TIAL1: variants seen among roughly 807,000 people sequenced by gnomAD.
TIAL1 encodes the protein nucleolysin TIAR.
TIAL1 carries 7 observed loss-of-function variants against 59.7 expected under a neutral mutation model. That is an observed-to-expected ratio of 0.12 (90% CI 0.07 to 0.22). The LOEUF is 0.22. Among genes scored for constraint, TIAL1 ranks in the 10% least tolerant of loss-of-function variants. The pLI is 1.00. For synonymous variants in TIAL1, 149 were observed against 146.3 expected, an observed-to-expected ratio of 1.02 and a Z score of -0.13; for missense variants, 225 against 462.5, an observed-to-expected ratio of 0.49 and a Z score of 4.71.
intron 1 of TIAL1, among the ~76,000 whole-genome samples, chr10:119,590,762 G>GAGAAAGAGAGAAAGAAAGAAAGAAAGAA (rs1446023630): frequency 8.0e-6 from 1 of 125,292 alleles, no homozygotes; most frequent in Non-Finnish European, 1.7e-5. Context: ...GAGAGAAAGA[G>GAGAAAGAGAGAAAGAAAGAAAGAAAGAA]AGAAAGAAAG....
intron 1 of TIAL1, among the ~76,000 whole-genome samples, chr10:119,594,137 G>T (rs1014832254): frequency 1.3e-5 from 2 of 150,798 alleles, no homozygotes; most frequent in Non-Finnish European, 2.9e-5. Context: ...TAGTAAACAC[G>T]TACTGACATA....
intron 5 of TIAL1, 85 bp downstream of exon 5, chr10:119,581,837 G>A (rs1319846874): frequency 9.2e-7 from 1 of 1,087,332 alleles, no homozygotes; most frequent in Non-Finnish European, 1.4e-6. Flanking sequence ...ACTAACTAGA[G>A]AAAGAAAATC....
intron 2 of TIAL1, among the ~76,000 whole-genome samples, chr10:119,587,604 G>C (rs563918846): frequency 6.6e-6 from 1 of 151,430 alleles, no homozygotes; most frequent in African/African-American, 2.4e-5. Flanking sequence ...ACTTACTGCA[G>C]TATCTAGTAC....
At position 119,578,733 on chromosome 10, in the gene TIAL1, T is replaced by G; in HGVS notation, c.549A>C (p.Thr183=). The change falls in exon 7 of 12, where the codon ACA becomes ACC. Residue 183 remains threonine (T), a synonymous_variant. Transcript: ENST00000436547. ...ATRKPPAPKS[T]QENNTKQLRF... is the part of the protein sequence containing the mutation. ...ACAGTGGACATATCTTACTTTCTTG[T>G]GTACTTTTAGGTGCAGGTGGTTTAC... 1 of 1,613,710 alleles carries G rather than the reference T, an allele frequency of 6.2e-7. No individual in the cohort carries two copies.
intron 1 of TIAL1, 79 bp from the exon 2 acceptor site, chr10:119,588,327 TTTTC>T (rs72518192): frequency 0.58 from 289,778 of 496,668 alleles, 87,956 homozygotes; most frequent in Non-Finnish European, 0.66. Context: ...ATTCATCACC[TTTTC>T]TTTCTTTCTT....
chr10:119,578,402 TAG>T (rs1374550577), intron 7 of TIAL1, among the ~76,000 whole-genome samples: 1 of 152,074 alleles, frequency 6.6e-6, no homozygotes, highest in East Asian at 1.9e-4. Flanking sequence ...ATGAAATAAT[TAG>T]AGTCTTGCAA....
chr10:119,575,899 T>A, intron 11 of TIAL1, 108 bp from the exon 12 acceptor site: 1 of 1,038,536 alleles, frequency 9.6e-7, no homozygotes, highest in Non-Finnish European at 1.3e-6. Context: ...AAACCAGAAA[T>A]CAACACACCT....
At chr10:119,578,446 C>T (rs1473344280) in intron 7 of TIAL1, among the ~76,000 whole-genome samples, 3 of 151,888 alleles carry the variant, frequency 2.0e-5, no homozygotes, top group South Asian at 2.1e-4. Flanking sequence ...GCCTGGACAA[C>T]GTAACCAGAC....
chr10:119,590,754 GAGAAAGAGAGAAAGAAAGAA>G (rs1564744615), intron 1 of TIAL1, among the ~76,000 whole-genome samples: 1 of 84,184 alleles, frequency 1.2e-5, no homozygotes, highest in Non-Finnish European at 2.4e-5. Flanking sequence ...GAGAGACAGA[GAGAAAGAGAGAAAGAAAGAA>G]AGAAAGAAAG....
intron 5 of TIAL1, 118 bp downstream of exon 5, chr10:119,581,804 A>T: frequency 1.3e-6 from 1 of 785,782 alleles, no homozygotes; most frequent in South Asian, 2.1e-5. Context: ...ATAAATGAAA[A>T]ATAAGAAACA....
intron 5 of TIAL1, 28 bp downstream of exon 5, chr10:119,581,894 T>C (rs755822315): frequency 9.3e-6 from 14 of 1,503,754 alleles, no homozygotes; most frequent in Non-Finnish European, 1.3e-5. Flanking sequence ...CTATCATGAC[T>C]GAGTGTAGTA....
At chr10:119,585,883 C>T (rs1165640401) in intron 2 of TIAL1, among the ~76,000 whole-genome samples, 4 of 152,124 alleles carry the variant, frequency 2.6e-5, no homozygotes, top group Admixed American at 2.0e-4. Flanking sequence ...GACCACCATC[C>T]TCCTTTAAAC....
At chr10:119,576,501 C>A in intron 11 of TIAL1, 110 bp downstream of exon 11, 16 of 1,400,004 alleles carry the variant, frequency 1.1e-5, no homozygotes, top group South Asian at 5.7e-5. Flanking sequence ...GCTCATAATG[C>A]CAAATAGCTC....
chr10:119,589,113 AG>A (rs1845720837), intron 1 of TIAL1, among the ~76,000 whole-genome samples: 1 of 152,196 alleles, frequency 6.6e-6, no homozygotes, highest in South Asian at 2.1e-4. Flanking sequence ...TGGCTGAGTA[AG>A]GTTGTTTGCA....
At chr10:119,590,198 G>A (rs1845778332) in intron 1 of TIAL1, among the ~76,000 whole-genome samples, 1 of 152,184 alleles carries the variant, frequency 6.6e-6, no homozygotes, top group African/African-American at 2.4e-5. Flanking sequence ...CTAAACAAGT[G>A]ACAAACTGTT....
At chr10:119,586,230 A>G (rs1012717931) in intron 2 of TIAL1, among the ~76,000 whole-genome samples, 2 of 152,242 alleles carry the variant, frequency 1.3e-5, no homozygotes, top group African/African-American at 4.8e-5. Context: ...GGTGACATCC[A>G]TCAGGTCACC....
intron 6 of TIAL1, 64 bp downstream of exon 6, chr10:119,579,871 T>C (rs1234135423): frequency 1.5e-6 from 2 of 1,313,158 alleles, no homozygotes; most frequent in East Asian, 5.2e-5. Flanking sequence ...TCAGATTCAA[T>C]ACATTAAGTA....
At chr10:119,593,204 C>CAA (rs551374284) in intron 1 of TIAL1, among the ~76,000 whole-genome samples, 1 of 152,222 alleles carries the variant, frequency 6.6e-6, no homozygotes, top group Non-Finnish European at 1.5e-5. Context: ...AGGCAGGTGT[C>CAA]AGACAGTCCA....
rs1247078566 is a variant in TIAL1, at chr10:119,573,918, G to A, written c.*1747C>T. On this transcript the variant is annotated 3_prime_UTR_variant, in exon 12 of 12. Transcript: ENST00000436547. ...TGGCTATATTGCTAAGTGGGAAAAG[G>A]AGGAAAGTAATACCAAAATTATTGT... 1.3e-5 allele frequency: 2 copies of A among 152,224 alleles called. No individual in the cohort carries two copies. Among genetic ancestry groups the A allele is most frequent in the Non-Finnish European group, 2.9e-5 (2 of 68,022 alleles). The allele number at this position is 152,224 out of a possible 1,614,324, so 9.4% of individuals were successfully genotyped here. A position where few individuals can be genotyped will look rare whatever the true frequency, so the allele number is the denominator to read the frequency against.
Sources: allele counts gnomAD v4.1 joint callset (sites outside exome capture counted in the v4.1 genomes callset), GRCh38; gene constraint gnomAD v4.1.1; transcripts MANE v1.5; gene names NCBI Gene and HGNC (gene_info 2026-07-23, HGNC 2026-07-21).